Variants in MALRD1 observed in about 807,000 individuals in gnomAD.
MALRD1 encodes the protein MAM and LDL receptor class A domain containing 1.
Under a neutral mutation model 242.1 loss-of-function variants are expected in MALRD1, and 247 were observed. That is an observed-to-expected ratio of 1.02 (90% CI 0.92 to 1.13). The LOEUF (loss-of-function observed/expected upper bound fraction) is 1.13, where lower values mean the gene tolerates loss of function less well. MALRD1 is among the 50% of genes most tolerant of loss of function. The pLI is 0.00. For missense variants in MALRD1, 2,989 were observed against 2,533.1 expected, an observed-to-expected ratio of 1.18 and a Z score of -3.86; for synonymous variants, 995 against 866.6, an observed-to-expected ratio of 1.15 and a Z score of -2.60.
chr10:19,499,168 T>A (rs1837854379), intron 31 of MALRD1, among the ~76,000 whole-genome samples: 1 of 152,158 alleles, frequency 6.6e-6, no homozygotes, highest in African/African-American at 2.4e-5. Context: ...GATTTCAGAT[T>A]ATGCAATCTT....
intron 21 of MALRD1, among the ~76,000 whole-genome samples, chr10:19,301,794 T>A (rs1188255920): frequency 6.6e-6 from 1 of 151,636 alleles, no homozygotes; most frequent in East Asian, 1.9e-4. Context: ...AAATAATTTG[T>A]ACATCAAACC....
At chr10:19,262,632 C>T (rs543367792) in intron 19 of MALRD1, among the ~76,000 whole-genome samples, 60 of 143,910 alleles carry the variant, frequency 4.2e-4, no homozygotes, top group African/African-American at 1.3e-3. Context: ...CTCCAGCCTG[C>T]GCGACAGAGC....
At chr10:19,319,913 G>A (rs968555387) in intron 21 of MALRD1, among the ~76,000 whole-genome samples, 1 of 151,614 alleles carries the variant, frequency 6.6e-6, no homozygotes, top group Admixed American at 6.6e-5. Flanking sequence ...TAAACTTAAA[G>A]CATTTATTGC....
intron 19 of MALRD1, among the ~76,000 whole-genome samples, chr10:19,269,938 C>G (rs1318214133): frequency 6.6e-6 from 1 of 152,216 alleles, no homozygotes; most frequent in East Asian, 1.9e-4. Flanking sequence ...GTCTCTCTTT[C>G]AAGTCATCCA....
At chr10:19,504,214 G>A (rs78195576) in intron 31 of MALRD1, among the ~76,000 whole-genome samples, 5,011 of 152,262 alleles carry the variant, frequency 0.033, 122 homozygotes, top group Middle Eastern at 0.071. Flanking sequence ...CAGATATTAT[G>A]GTTTTTCTCA....
intron 38 of MALRD1, among the ~76,000 whole-genome samples, chr10:19,703,024 A>G (rs944788802): frequency 4.6e-5 from 7 of 152,198 alleles, no homozygotes; most frequent in African/African-American, 1.7e-4. Context: ...CCTGGATTTT[A>G]TTATACATTC....
rs1435395606 is a variant in MALRD1 at position 19,204,302 on chromosome 10, C to G, written c.2105-6C>G. 3 of 1,232,310 alleles carry G rather than the reference C, an allele frequency of 2.4e-6. No homozygotes were observed. The highest frequency in any genetic ancestry group is 2.8e-5 in the South Asian group (2 of 70,496). 76.3% of individuals were successfully genotyped at this position (1,232,310 alleles called of 1,614,324 possible). On this transcript the variant is annotated splice_region_variant and splice_polypyrimidine_tract_variant and intron_variant, in intron 15 of 39. Coordinates refer to ENST00000454679, the MANE Select transcript of MALRD1 (RefSeq NM_001142308.3). ...AAGCGTTTTTTTTTTTTTTTTATCT[C>G]AACAGGGCATTTTATGTTCATTCTG...
At chr10:19,715,755 T>C (rs896373572) in intron 38 of MALRD1, among the ~76,000 whole-genome samples, 1 of 152,202 alleles carries the variant, frequency 6.6e-6, no homozygotes, top group Non-Finnish European at 1.5e-5. Context: ...TCAGGCAACT[T>C]ACAATCATGG....
intron 18 of MALRD1, among the ~76,000 whole-genome samples, chr10:19,256,040 G>T (rs1839494391): frequency 6.6e-6 from 1 of 152,046 alleles, no homozygotes; most frequent in South Asian, 2.1e-4. Flanking sequence ...CTGGTTTCCA[G>T]CTACTTATAT....
rs184689832 is a variant in MALRD1 at position 19,213,799 on chromosome 10, G to A, written c.2991+4119G>A. ...ATATATAAATATTCTTGATCTTTGT[G>A]TTGGTATGTATTTAAGTTTAGTTGG... On this transcript the variant is annotated intron_variant, in intron 18 of 39. Transcript: ENST00000454679. Among the ~76,000 whole-genome samples, 70 of 152,180 alleles carry A rather than the reference G, an allele frequency of 4.6e-4. 1 individual carries two copies. In the South Asian group the frequency reaches 0.011, roughly 25 times the overall value.
chr10:19,373,274 G>A (rs1293207416), intron 26 of MALRD1, among the ~76,000 whole-genome samples: 5 of 143,766 alleles, frequency 3.5e-5, no homozygotes, highest in East Asian at 2.1e-4. Flanking sequence ...TTGGGAGGGC[G>A]GACGGATCAC....
chr10:19,522,116 C>T (rs1044994729), intron 31 of MALRD1, among the ~76,000 whole-genome samples: 10 of 140,996 alleles, frequency 7.1e-5, no homozygotes, highest in Non-Finnish European at 1.0e-4. Flanking sequence ...ACTCCTGGTC[C>T]GCCAAATAAT....
intron 32 of MALRD1, among the ~76,000 whole-genome samples, chr10:19,560,812 G>T (rs1209491665): frequency 2.6e-5 from 4 of 151,864 alleles, no homozygotes; most frequent in Admixed American, 2.6e-4. Context: ...GGGCCTGTTG[G>T]GGTGGGGGAT....
chr10:19,098,214 T>C (rs899075932), intron 4 of MALRD1, among the ~76,000 whole-genome samples: 2 of 152,214 alleles, frequency 1.3e-5, no homozygotes, highest in Admixed American at 6.5e-5. Flanking sequence ...TACTACTAAG[T>C]ATATCACTGA....
At chr10:19,575,041 A>C (rs17729873) in intron 33 of MALRD1, among the ~76,000 whole-genome samples, 53,079 of 152,046 alleles carry the variant, frequency 0.35, 10,217 homozygotes, top group Non-Finnish European at 0.43. Flanking sequence ...TACAGCTCTC[A>C]AGGAGTTTAC....
chr10:19,368,150 T>G (rs1190352672), intron 26 of MALRD1, among the ~76,000 whole-genome samples: 1 of 152,094 alleles, frequency 6.6e-6, no homozygotes, highest in African/African-American at 2.4e-5. Flanking sequence ...TTTTGTTTGT[T>G]TGTTTTTTGC....
At chr10:19,081,346 A>C (rs149924954) in intron 2 of MALRD1, among the ~76,000 whole-genome samples, 2 of 152,296 alleles carry the variant, frequency 1.3e-5, no homozygotes, top group African/African-American at 4.8e-5. Context: ...TCACAATAGC[A>C]AAGACATGGA....
At chr10:19,251,406 C>T (rs549904278) in intron 18 of MALRD1, among the ~76,000 whole-genome samples, 11 of 152,092 alleles carry the variant, frequency 7.2e-5, no homozygotes, top group African/African-American at 2.4e-4. Flanking sequence ...ATGCCAGCAG[C>T]CTATTCCAGC....
intron 28 of MALRD1, among the ~76,000 whole-genome samples, chr10:19,449,260 C>G (rs1311119521): frequency 6.6e-6 from 1 of 152,200 alleles, no homozygotes; most frequent in Admixed American, 6.5e-5. Context: ...CACTGCAACG[C>G]CTGCCTCCTG....
Sources: allele counts gnomAD v4.1 joint callset (sites outside exome capture counted in the v4.1 genomes callset), GRCh38; gene constraint gnomAD v4.1.1; transcripts MANE v1.5; gene names NCBI Gene and HGNC (gene_info 2026-07-23, HGNC 2026-07-21).